Variants in MAP7D2 observed in about 807,000 individuals in gnomAD.
MAP7D2 encodes MAP7 domain containing 2.
MAP7D2 carries 33 observed loss-of-function variants against 63.5 expected under a neutral mutation model. That is an observed-to-expected ratio of 0.52 (90% CI 0.39 to 0.70). The LOEUF (loss-of-function observed/expected upper bound fraction) is 0.70. Among genes scored for constraint, MAP7D2 ranks in the 30% least tolerant of loss-of-function variants. The pLI is 0.00. For missense variants in MAP7D2, 626 were observed against 604.0 expected, an observed-to-expected ratio of 1.04 and a Z score of -0.38; for synonymous variants, 224 against 223.7, an observed-to-expected ratio of 1.00 and a Z score of -0.01.
intron 6 of MAP7D2, among the ~76,000 whole-genome samples, chrX:20,045,023 G>A (rs2064757698): frequency 9.0e-6 from 1 of 111,206 alleles, no homozygotes; most frequent in Non-Finnish European, 1.9e-5. Flanking sequence ...GTGGAATCTG[G>A]GTATGTGCCT....
chrX:20,088,843 T>A (rs2148480139), intron 1 of MAP7D2, among the ~76,000 whole-genome samples: 1 of 109,880 alleles, frequency 9.1e-6, no homozygotes, highest in African/African-American at 3.3e-5. Flanking sequence ...CTTTTCTTTC[T>A]TTTTTTTTGA....
chrX:20,100,084 GC>G (rs1404438753), intron 1 of MAP7D2, among the ~76,000 whole-genome samples: 2 of 112,148 alleles, frequency 1.8e-5, no homozygotes, highest in Non-Finnish European at 3.8e-5. Context: ...GCTGAAAACT[GC>G]CCTCAGTCAG....
intron 1 of MAP7D2, among the ~76,000 whole-genome samples, chrX:20,089,665 C>G (rs2066012729): frequency 8.9e-6 from 1 of 112,203 alleles, no homozygotes; most frequent in Admixed American, 9.4e-5. Flanking sequence ...CAAAGCACTG[C>G]CCTAGATGTC....
chrX:20,035,924 ATATGTGTG>A (rs1410164518), intron 8 of MAP7D2, among the ~76,000 whole-genome samples: 4 of 51,560 alleles, frequency 7.8e-5, no homozygotes, highest in African/African-American at 3.0e-4. Context: ...AAAAAAATAT[ATATGTGTG>A]TGTGTGTGTG....
At position 20,015,334 on chromosome X, in the gene MAP7D2, G is replaced by A; in HGVS notation, c.1645-7C>T. On this transcript the variant is annotated splice_region_variant and splice_polypyrimidine_tract_variant and intron_variant, in intron 11 of 16. Coordinates refer to ENST00000379643, the MANE Select transcript of MAP7D2 (RefSeq NM_001168465.2). ...TTGTTTCTGCTGCTTCTTTCTAACA[G>A]AAACAGGTAAATCAAGGCAAAGCTT... 1 of 1,190,197 alleles carries A rather than the reference G, an allele frequency of 8.4e-7. No individual in the cohort carries two copies. The highest frequency in any genetic ancestry group is 1.8e-5 in the South Asian group (1 of 56,427).
chrX:20,081,688 G>A (rs747660654), intron 1 of MAP7D2, among the ~76,000 whole-genome samples: 1 of 105,999 alleles, frequency 9.4e-6, no homozygotes, highest in East Asian at 2.9e-4. Flanking sequence ...AGTCTCACTC[G>A]GTCGCCTAGG....
At chrX:20,096,809 T>G (rs2066284440) in intron 1 of MAP7D2, among the ~76,000 whole-genome samples, 1 of 112,170 alleles carries the variant, frequency 8.9e-6, no homozygotes, top group African/African-American at 3.2e-5. Context: ...AAAAACAAAT[T>G]AAGGTCCTCA....
chrX:20,054,874 G>A (rs973566202), intron 4 of MAP7D2, among the ~76,000 whole-genome samples: 1 of 111,948 alleles, frequency 8.9e-6, no homozygotes, highest in Non-Finnish European at 1.9e-5. Flanking sequence ...AAGCCACCAC[G>A]CCCAGCCCCC....
intron 1 of MAP7D2, among the ~76,000 whole-genome samples, chrX:20,090,600 G>T (rs766871152): frequency 8.9e-6 from 1 of 111,962 alleles, no homozygotes; most frequent in East Asian, 2.8e-4. Context: ...TCAGGTGAGG[G>T]TGTAAAAGAA....
At chrX:20,116,710 C>T in intron 1 of MAP7D2, 40 bp downstream of exon 1, 2 of 1,132,798 alleles carry the variant, frequency 1.8e-6, no homozygotes, top group African/African-American at 1.8e-5. Context: ...CCACAGGAAC[C>T]CGAAGCCCTC....
chrX:20,045,227 T>C (rs1156481714), intron 6 of MAP7D2, among the ~76,000 whole-genome samples: 1 of 111,303 alleles, frequency 9.0e-6, no homozygotes, highest in East Asian at 2.8e-4. Flanking sequence ...CTTAGTCCCA[T>C]GCACCTCCTC....
intron 7 of MAP7D2, among the ~76,000 whole-genome samples, 184 bp from the exon 8 acceptor site, chrX:20,042,813 A>G (rs1010279842): frequency 8.9e-6 from 1 of 112,269 alleles, no homozygotes; most frequent in Admixed American, 9.4e-5. Context: ...TGCATTATCC[A>G]GTTAAAAAAA....
intron 1 of MAP7D2, among the ~76,000 whole-genome samples, chrX:20,092,650 C>T (rs193147950): frequency 3.2e-4 from 36 of 111,936 alleles, no homozygotes; most frequent in Non-Finnish European, 3.4e-4. Flanking sequence ...ATGGTTCTCC[C>T]TGTATAAACG....
Position 20,044,350 on chromosome X carries a change from G to A in MAP7D2, c.879+14C>T, listed in dbSNP as rs758945801. The A allele has an allele frequency of 2.2e-5, 27 of 1,205,074 alleles. No homozygotes were observed. In the East Asian group the frequency reaches 8.0e-4, roughly 36 times the overall value. On this transcript the variant is annotated intron_variant, in intron 7 of 16. Transcript: ENST00000379643. ...AGTCTAGAGGAGTGAGTGGGTGGGT[G>A]GTTTTAAACCTACCAGAGAGGCCTC...
chrX:20,116,602 G>A, intron 1 of MAP7D2, 148 bp downstream of exon 1: 1 of 978,569 alleles, frequency 1.0e-6, no homozygotes, highest in Non-Finnish European at 1.3e-6. Context: ...ACGTCCGGAC[G>A]ATCCTGGGCC....
chrX:20,091,736 C>T (rs2148490523), intron 1 of MAP7D2, among the ~76,000 whole-genome samples: 1 of 111,439 alleles, frequency 9.0e-6, no homozygotes, highest in African/African-American at 3.3e-5. Flanking sequence ...TCGTTTCATT[C>T]CCAGCAATAC....
chrX:20,051,050 G>A, intron 5 of MAP7D2, 104 bp from the exon 6 acceptor site: 1 of 649,404 alleles, frequency 1.5e-6, no homozygotes, highest in South Asian at 4.1e-5. Context: ...CTTTTGGGTG[G>A]CAGAACATGG....
In MAP7D2 at chrX:20,042,489, G is replaced by T; in HGVS notation, c.1007+13C>A. ...GACAGTCAGACTGTCTGGCAAAGGGGAGAGATGCTTACTTGGATATCACAG... is the reference window on the plus strand; with the variant it reads ...GACAGTCAGACTGTCTGGCAAAGGGTAGAGATGCTTACTTGGATATCACAG... On this transcript the variant is annotated intron_variant, in intron 8 of 16. Transcript: ENST00000379643. 2 of 1,210,550 alleles carry T rather than the reference G, an allele frequency of 1.7e-6. No homozygotes were observed. Among genetic ancestry groups the T allele is most frequent in the Non-Finnish European group, 1.1e-6 (1 of 894,515 alleles).
intron 6 of MAP7D2, 39 bp downstream of exon 6, chrX:20,050,785 G>A (rs775969256): frequency 1.4e-5 from 16 of 1,132,400 alleles, no homozygotes; most frequent in East Asian, 6.3e-5. Flanking sequence ...ACACCTCTTC[G>A]GGCATTTTCC....
Sources: allele counts gnomAD v4.1 joint callset (sites outside exome capture counted in the v4.1 genomes callset), GRCh38; gene constraint gnomAD v4.1.1; transcripts MANE v1.5; gene names NCBI Gene and HGNC (gene_info 2026-07-23, HGNC 2026-07-21).